ROS1: variants seen among roughly 807,000 people sequenced by gnomAD.
The protein encoded by ROS1 is ROS proto-oncogene 1, receptor tyrosine kinase.
In ROS1, 263 loss-of-function variants were observed where a neutral mutation model predicts 273.5. The observed-to-expected ratio is 0.96, with a 90% CI of 0.87 to 1.06. The LOEUF (loss-of-function observed/expected upper bound fraction) is 1.06. Among genes scored for constraint, ROS1 ranks in the 50% least tolerant of loss-of-function variants. The probability of loss-of-function intolerance (pLI) is 0.00; values close to 1 mark genes in which losing one functional copy is unlikely to be tolerated. For synonymous variants in ROS1, 1,008 were observed against 954.1 expected, an observed-to-expected ratio of 1.06 and a Z score of -1.04; for missense variants, 2,833 against 2,751.1, an observed-to-expected ratio of 1.03 and a Z score of -0.67.
intron 39 of ROS1, among the ~76,000 whole-genome samples, chr6:117,315,937 T>G (rs1775887988): frequency 6.6e-6 from 1 of 152,152 alleles, no homozygotes; most frequent in South Asian, 2.1e-4. Context: ...AGTTTACGTA[T>G]ATAAAAACTA....
At chr6:117,396,791 A>T (rs1002557977) in intron 8 of ROS1, 124 bp downstream of exon 8, 2 of 728,054 alleles carry the variant, frequency 2.7e-6, no homozygotes, top group Non-Finnish European at 4.6e-6. Context: ...CTTCAACCCA[A>T]CACCATGGAG....
At chr6:117,404,686 G>A (rs781663154) in intron 5 of ROS1, among the ~76,000 whole-genome samples, 3 of 152,068 alleles carry the variant, frequency 2.0e-5, no homozygotes, top group Non-Finnish European at 4.4e-5. Context: ...GCTTTTACAG[G>A]CAGATGACAC....
chr6:117,377,058 T>C (rs1781388653), intron 18 of ROS1, among the ~76,000 whole-genome samples: 1 of 152,128 alleles, frequency 6.6e-6, no homozygotes, highest in African/African-American at 2.4e-5. Flanking sequence ...GACAAATATA[T>C]CAAAGGAACA....
intron 35 of ROS1, among the ~76,000 whole-genome samples, chr6:117,321,870 T>C (rs1394038392): frequency 6.8e-6 from 1 of 147,806 alleles, no homozygotes; most frequent in Non-Finnish European, 1.5e-5. Context: ...AGAGTGTTTA[T>C]CATTGTTGTT....
intron 12 of ROS1, among the ~76,000 whole-genome samples, chr6:117,391,480 A>G (rs554814543): frequency 6.5e-4 from 99 of 152,308 alleles, no homozygotes; most frequent in African/African-American, 2.3e-3. Context: ...AAGTGGTGGT[A>G]GGAAGAAAAG....
chr6:117,353,646 G>T (rs1418711094), intron 26 of ROS1, among the ~76,000 whole-genome samples: 3 of 152,110 alleles, frequency 2.0e-5, no homozygotes, highest in Non-Finnish European at 2.9e-5. Context: ...ATCACTAGCA[G>T]GTTCAGTTAC....
In ROS1 at chr6:117,393,264, T is replaced by C. The variant is rs1466737621; in HGVS notation, c.1249A>G (p.Ile417Val). ...SNIEEITPPS[I>V]SAPQKIVADS... is the part of the protein sequence containing the mutation. ...GCCACAATTTTTTGAGGTGCACTAA[T>C]AGAGGGTGGAGTAATTTCCTCGATG... The change falls in exon 12 of 44, where the codon ATT (isoleucine) becomes GTT (valine). Residue 417 changes from isoleucine to valine, a missense_variant. Coordinates refer to ENST00000368507, the MANE Select transcript of ROS1 (RefSeq NM_001378902.1). 6.2e-7 allele frequency: 1 copy of C among 1,612,698 alleles called. No individual in the cohort carries two copies. The highest frequency in any genetic ancestry group is 8.5e-7 in the Non-Finnish European group (1 of 1,178,904).
intron 28 of ROS1, among the ~76,000 whole-genome samples, chr6:117,343,616 C>T (rs551708986): frequency 6.6e-6 from 1 of 152,206 alleles, no homozygotes; most frequent in South Asian, 2.1e-4. Context: ...ACATAGGAAA[C>T]AAAAGACAAA....
At position 117,419,513 on chromosome 6, in the gene ROS1, CT is replaced by C. The variant is rs374220909; in HGVS notation, c.124-1008del. 9.9e-5 allele frequency among the ~76,000 whole-genome samples: 15 copies of C among 152,182 alleles called. No individual in the cohort carries two copies. In the East Asian group the frequency reaches 2.7e-3, roughly 27 times the overall value. On this transcript the variant is annotated intron_variant, in intron 1 of 43. Transcript: ENST00000368507. ...GGAAAAGAAGAAGGATGATTATTGG[CT>C]TTTGTTTTTAGATAATAAACATTTA...
In ROS1 at chr6:117,397,081, T is replaced by C. The variant is rs148499825; in HGVS notation, c.640A>G (p.Ser214Gly). The change falls in exon 8 of 44, where the codon AGC (serine) becomes GGC (glycine). Residue 214 changes from serine (S) to glycine (G), a missense_variant. Ser to Gly is a moderately conservative substitution (Grantham distance 56). Coordinates refer to ENST00000368507, the MANE Select transcript of ROS1 (RefSeq NM_001378902.1). The part of the protein sequence containing the change: ...ETAPLIRNIE[S>G]SSPDTVEVSW... ...ACTTCCACAGTGTCGGGACTTGAGC[T>C]CTCAATATTCCTAATCAAAGGTGCA... The C allele has an allele frequency of 5.6e-6, 9 of 1,613,602 alleles. No individual in the cohort carries two copies. In the African/African-American group the frequency reaches 1.1e-4, roughly 19 times the overall value.
At position 117,404,307 on chromosome 6, in the gene ROS1, T is replaced by G. The variant is rs2128726410; in HGVS notation, c.438A>C (p.Gln146His). The change falls in exon 6 of 44, where the codon CAA (glutamine) becomes CAC (histidine). Residue 146 changes from glutamine to histidine, a missense_variant. Coordinates refer to ENST00000368507, the MANE Select transcript of ROS1 (RefSeq NM_001378902.1). ...VKYIIQWKYA[Q>H]LLGSWTYTKT... is the part of the protein sequence containing the mutation. Reference sequence around the variant, plus strand: ...TAGTATAAGTCCAGCTTCCCAGAAGTTGTGCATATTTCCACTGAATGATGT... The same window carrying G: ...TAGTATAAGTCCAGCTTCCCAGAAGGTGTGCATATTTCCACTGAATGATGT... 6.2e-7 allele frequency: 1 copy of G among 1,614,106 alleles called. No individual in the cohort carries two copies. Among genetic ancestry groups the G allele is most frequent in the Non-Finnish European group, 8.5e-7 (1 of 1,179,968 alleles).
chr6:117,322,319 A>G (rs181505794), intron 35 of ROS1, among the ~76,000 whole-genome samples: 4 of 152,254 alleles, frequency 2.6e-5, no homozygotes, highest in Non-Finnish European at 4.4e-5. Flanking sequence ...CACATCCTCA[A>G]TGATGCCTTC....
At chr6:117,367,414 C>A (rs1045233805) in intron 18 of ROS1, among the ~76,000 whole-genome samples, 1 of 152,226 alleles carries the variant, frequency 6.6e-6, no homozygotes, top group African/African-American at 2.4e-5. Context: ...CAGAATAACT[C>A]TGTTATGAGC....
chr6:117,302,000 T>C (rs1329887108), intron 42 of ROS1, among the ~76,000 whole-genome samples: 1 of 152,190 alleles, frequency 6.6e-6, no homozygotes, highest in Non-Finnish European at 1.5e-5. Flanking sequence ...ACCAGCAGTA[T>C]ATCAGGAGCT....
In ROS1 at chr6:117,326,347, T is replaced by G. The variant is rs981579627; in HGVS notation, c.5416A>C (p.Ser1806Arg). Residue 1806 changes from serine (S) to arginine (R), a missense_variant, in exon 34 of 44, where the codon AGT (serine) becomes CGT (arginine). Coordinates refer to ENST00000368507, the MANE Select transcript of ROS1 (RefSeq NM_001378902.1). ...RWKMTFNGSC[S>R]SVCTWKSKNL... ...TTGGACTTCCATGTGCAAACACTAC[T>G]GCAGGATCCATTAAATGTCATCTTC... 1 of 1,593,402 alleles carries G rather than the reference T, an allele frequency of 6.3e-7. No individual in the cohort carries two copies. Among genetic ancestry groups the G allele is most frequent in the African/African-American group, 1.4e-5 (1 of 73,640 alleles).
intron 32 of ROS1, among the ~76,000 whole-genome samples, chr6:117,333,274 A>C (rs907610668): frequency 2.6e-5 from 4 of 151,886 alleles, no homozygotes; most frequent in Non-Finnish European, 4.4e-5. Flanking sequence ...TCCTGGATGC[A>C]TACACCAAGA....
intron 36 of ROS1, 137 bp downstream of exon 36, chr6:117,321,122 G>A: frequency 1.2e-6 from 1 of 864,514 alleles, no homozygotes; most frequent in East Asian, 2.8e-5. Flanking sequence ...GAGTGGAAGA[G>A]GAAGTTATTA....
chr6:117,393,217 C>A lies in ROS1; in HGVS notation c.1289+7G>T. ...AGAGAATTCATCTTTACAAGGCTAA[C>A]ACATACCCATTGTATGAATCAGCCA... On this transcript the variant is annotated splice_region_variant and intron_variant, in intron 12 of 43. Transcript: ENST00000368507. The A allele has an allele frequency of 4.8e-6, 7 of 1,463,890 alleles. No homozygotes were observed. The highest frequency in any genetic ancestry group is 6.7e-6 in the Non-Finnish European group (7 of 1,043,614). The allele number at this position is 1,463,890 out of a possible 1,614,324, so 90.7% of individuals were successfully genotyped here.
Position 117,341,116 on chromosome 6 carries a change from A to G in ROS1, c.5061+19T>C. 2 of 1,532,666 alleles carry G rather than the reference A, an allele frequency of 1.3e-6. No individual in the cohort carries two copies. The highest frequency in any genetic ancestry group is 1.9e-5 in the Admixed American group (1 of 52,634). 94.9% of individuals were successfully genotyped at this position (1,532,666 alleles called of 1,614,324 possible). ...ATTTATTCTATATCATAAAATAAAG[A>G]CTTGCATTAAAAGTCTACCTTCTGT... On this transcript the variant is annotated intron_variant, in intron 31 of 43. Coordinates refer to ENST00000368507, the MANE Select transcript of ROS1 (RefSeq NM_001378902.1).
Sources: allele counts gnomAD v4.1 joint callset (sites outside exome capture counted in the v4.1 genomes callset), GRCh38; gene constraint gnomAD v4.1.1; transcripts MANE v1.5; gene names NCBI Gene and HGNC (gene_info 2026-07-23, HGNC 2026-07-21).